Variants in KCTD16 observed in about 807,000 individuals in gnomAD.
The protein encoded by KCTD16 is potassium channel tetramerization domain containing 16, also known as BTB/POZ domain-containing protein KCTD16.
In KCTD16, 13 loss-of-function variants were observed where a neutral mutation model predicts 33.2. The observed-to-expected ratio is 0.39, with a 90% CI of 0.25 to 0.62. KCTD16 has a LOEUF of 0.62. KCTD16 is among the 20% of genes least tolerant of loss of function. KCTD16 has a pLI of 0.50. For synonymous variants in KCTD16, 197 were observed against 195.3 expected, an observed-to-expected ratio of 1.01 and a Z score of -0.07; for missense variants, 441 against 525.1, an observed-to-expected ratio of 0.84 and a Z score of 1.57.
At chr5:144,440,959 AGTTACCACCT>A (rs1475881414) in intron 3 of KCTD16, among the ~76,000 whole-genome samples, 2 of 131,320 alleles carry the variant, frequency 1.5e-5, no homozygotes, top group Non-Finnish European at 3.1e-5. Flanking sequence ...CTCATTGTTC[AGTTACCACCT>A]GTGAGTGAGA....
chr5:144,404,242 A>G (rs1031150002), intron 3 of KCTD16, among the ~76,000 whole-genome samples: 1 of 152,204 alleles, frequency 6.6e-6, no homozygotes, highest in African/African-American at 2.4e-5. Flanking sequence ...AGGGAAAATG[A>G]CATGCTATTC....
chr5:144,343,972 C>G (rs1296135561), intron 3 of KCTD16, among the ~76,000 whole-genome samples: 1 of 152,106 alleles, frequency 6.6e-6, no homozygotes, highest in East Asian at 1.9e-4. Context: ...TACAAGGCTA[C>G]AGTAACCAAA....
At chr5:144,219,359 C>A (rs1355690609) in intron 3 of KCTD16, among the ~76,000 whole-genome samples, 1 of 151,072 alleles carries the variant, frequency 6.6e-6, no homozygotes, top group Non-Finnish European at 1.5e-5. Context: ...GATTACAGGC[C>A]CCCGCCACTG....
intron 3 of KCTD16, among the ~76,000 whole-genome samples, chr5:144,472,428 A>G (rs1754498549): frequency 6.6e-6 from 1 of 152,204 alleles, no homozygotes; most frequent in Non-Finnish European, 1.5e-5. Context: ...TGCATCTGCA[A>G]CATTGCTCTG....
At chr5:144,249,114 G>A (rs985034791) in intron 3 of KCTD16, among the ~76,000 whole-genome samples, 5 of 152,024 alleles carry the variant, frequency 3.3e-5, no homozygotes, top group Non-Finnish European at 7.4e-5. Flanking sequence ...TACTTGTCCA[G>A]CCTACCTTGC....
chr5:144,172,263 A>G (rs1222470051), intron 1 of KCTD16, among the ~76,000 whole-genome samples: 1 of 152,084 alleles, frequency 6.6e-6, no homozygotes, highest in Non-Finnish European at 1.5e-5. Context: ...CCATTAGCGA[A>G]TTTATTTGTT....
intron 3 of KCTD16, among the ~76,000 whole-genome samples, chr5:144,409,007 T>A (rs1267409194): frequency 6.6e-6 from 1 of 152,208 alleles, no homozygotes; most frequent in Admixed American, 6.5e-5. Flanking sequence ...TTGTCTATCT[T>A]CCCTCATGAG....
At chr5:144,388,906 G>T (rs910783862) in intron 3 of KCTD16, among the ~76,000 whole-genome samples, 1 of 152,180 alleles carries the variant, frequency 6.6e-6, no homozygotes, top group Non-Finnish European at 1.5e-5. Context: ...GTACATATAT[G>T]TGTCTTAATA....
intron 3 of KCTD16, among the ~76,000 whole-genome samples, chr5:144,227,427 G>GA (rs1423932504): frequency 6.6e-6 from 1 of 152,176 alleles, no homozygotes; most frequent in Non-Finnish European, 1.5e-5. Flanking sequence ...GAGGCTGGGA[G>GA]AAAATGAGAT....
chr5:144,462,073 A>G (rs779693673), intron 3 of KCTD16, among the ~76,000 whole-genome samples: 4 of 152,126 alleles, frequency 2.6e-5, no homozygotes, highest in African/African-American at 7.2e-5. Flanking sequence ...TTCCGTTGTC[A>G]TGGCCTACCC....
chr5:144,320,760 T>C (rs946370093), intron 3 of KCTD16, among the ~76,000 whole-genome samples: 3 of 87,494 alleles, frequency 3.4e-5, no homozygotes, highest in Non-Finnish European at 5.9e-5. Context: ...TTTTTATTTG[T>C]TTTTTTTTTT....
chr5:144,207,644 T>A, intron 3 of KCTD16, 98 bp downstream of exon 3: 1 of 928,268 alleles, frequency 1.1e-6, no homozygotes, highest in Non-Finnish European at 1.6e-6. Flanking sequence ...GAACATGGTT[T>A]GGAATTCTTT....
chr5:144,415,209 C>T (rs554225023), intron 3 of KCTD16, among the ~76,000 whole-genome samples: 1 of 152,172 alleles, frequency 6.6e-6, no homozygotes, highest in African/African-American at 2.4e-5. Flanking sequence ...ATAATGAACC[C>T]ACTTCTGTAA....
chr5:144,184,217 C>G (rs1205635607), intron 2 of KCTD16, among the ~76,000 whole-genome samples: 1 of 152,146 alleles, frequency 6.6e-6, no homozygotes, highest in East Asian at 1.9e-4. Flanking sequence ...ACTTTTTAAA[C>G]TTGCAAAGTG....
At chr5:144,201,277 G>A (rs1753039831) in intron 2 of KCTD16, among the ~76,000 whole-genome samples, 1 of 152,138 alleles carries the variant, frequency 6.6e-6, no homozygotes, top group African/African-American at 2.4e-5. Context: ...TTTAACCACT[G>A]CGATACTGAT....
At chr5:144,329,628 C>G (rs1752302567) in intron 3 of KCTD16, among the ~76,000 whole-genome samples, 1 of 152,166 alleles carries the variant, frequency 6.6e-6, no homozygotes, top group African/African-American at 2.4e-5. Context: ...GGCCTTGAAT[C>G]AATCTGTTAA....
chr5:144,392,134 G>C (rs919700157), intron 3 of KCTD16, among the ~76,000 whole-genome samples: 2 of 152,220 alleles, frequency 1.3e-5, no homozygotes, highest in African/African-American at 4.8e-5. Context: ...CGGTGTGGGA[G>C]AGAGATACAG....
chr5:144,316,648 G>T (rs1751924526), intron 3 of KCTD16, among the ~76,000 whole-genome samples: 1 of 151,538 alleles, frequency 6.6e-6, no homozygotes, highest in Admixed American at 6.6e-5. Context: ...GAGTAGCTGG[G>T]ATTATAGGTG....
chr5:144,324,962 C>T (rs938263476), intron 3 of KCTD16, among the ~76,000 whole-genome samples: 15 of 152,160 alleles, frequency 9.9e-5, no homozygotes, highest in African/African-American at 3.4e-4. Flanking sequence ...GAAAAAATAG[C>T]TAATGCATGC....
Sources: gnomAD v4.1 joint callset for allele counts (sites outside exome capture counted in the v4.1 genomes callset) on GRCh38, gnomAD v4.1.1 for gene constraint, MANE v1.5 for transcripts, NCBI Gene and HGNC (gene_info 2026-07-23, HGNC 2026-07-21) for gene names.